GALNTL6: variants seen among roughly 807,000 people sequenced by gnomAD.
GALNTL6 encodes the protein polypeptide N-acetylgalactosaminyltransferase like 6, also known as polypeptide N-acetylgalactosaminyltransferase-like 6.
GALNTL6 carries 46 observed loss-of-function variants against 73.7 expected under a neutral mutation model. The ratio of observed to expected loss-of-function variants is 0.62; its 90% confidence interval spans 0.49 to 0.80. The LOEUF is 0.80. Among genes scored for constraint, GALNTL6 ranks in the 30% least tolerant of loss-of-function variants. GALNTL6 has a pLI of 0.00. For missense variants in GALNTL6, 604 were observed against 755.0 expected, an observed-to-expected ratio of 0.80 and a Z score of 2.34; for synonymous variants, 259 against 263.7, an observed-to-expected ratio of 0.98 and a Z score of 0.17.
intron 2 of GALNTL6, among the ~76,000 whole-genome samples, chr4:172,202,756 A>T (rs1332803799): frequency 6.6e-6 from 1 of 152,230 alleles, no homozygotes; most frequent in African/African-American, 2.4e-5. Flanking sequence ...GATGTAATGA[A>T]TTATTATGAA....
intron 2 of GALNTL6, among the ~76,000 whole-genome samples, chr4:172,175,346 G>T (rs138382098): frequency 1.3e-5 from 2 of 152,192 alleles, no homozygotes; most frequent in East Asian, 3.9e-4. Flanking sequence ...GATTATAGGC[G>T]TGAGTCTCCC....
At chr4:172,530,471 A>C (rs1214067162) in intron 5 of GALNTL6, among the ~76,000 whole-genome samples, 2 of 152,206 alleles carry the variant, frequency 1.3e-5, no homozygotes, top group Non-Finnish European at 2.9e-5. Context: ...CTTTTGAATA[A>C]GACAAACTAA....
chr4:172,421,020 G>GGA (rs1386142282), intron 5 of GALNTL6, among the ~76,000 whole-genome samples: 2 of 151,980 alleles, frequency 1.3e-5, no homozygotes, highest in African/African-American at 4.8e-5. Context: ...GGGGGCAAGG[G>GGA]GAGAGAGAGC....
chr4:171,903,296 C>T lies in GALNTL6; in HGVS notation c.138+88578C>T, dbSNP rs548879606. 3.7e-4 allele frequency among the ~76,000 whole-genome samples: 56 copies of T among 151,944 alleles called. No individual in the cohort carries two copies. In the South Asian group the frequency reaches 4.1e-3, roughly 11 times the overall value. On this transcript the variant is annotated intron_variant, in intron 2 of 12. Coordinates refer to ENST00000506823, the MANE Select transcript of GALNTL6 (RefSeq NM_001034845.3). Reference sequence around the variant, plus strand: ...GGTCAGTGGGTGCGCGCACCGTGCGCGAGCTGAAGCAGGGCGAGGCATTGC... The same window carrying T: ...GGTCAGTGGGTGCGCGCACCGTGCGTGAGCTGAAGCAGGGCGAGGCATTGC...
intron 5 of GALNTL6, among the ~76,000 whole-genome samples, chr4:172,559,966 A>T (rs1001505931): frequency 3.3e-5 from 5 of 152,242 alleles, no homozygotes; most frequent in Non-Finnish European, 5.9e-5. Flanking sequence ...ATAAAATATA[A>T]GACAATTAAT....
intron 7 of GALNTL6, among the ~76,000 whole-genome samples, chr4:172,869,259 A>T (rs1425273713): frequency 1.3e-5 from 2 of 152,228 alleles, no homozygotes; most frequent in African/African-American, 4.8e-5. Flanking sequence ...TAAAATGATG[A>T]ATATAAATCA....
intron 5 of GALNTL6, among the ~76,000 whole-genome samples, chr4:172,405,439 ATATATTTTTTTTT>A (rs1744199985): frequency 4.7e-4 from 1 of 2,136 alleles, no homozygotes; most frequent in Non-Finnish European, 9.4e-4. Flanking sequence ...ATATATATAT[ATATATTTTTTTTT>A]TTTTTTTTTT....
intron 5 of GALNTL6, among the ~76,000 whole-genome samples, chr4:172,559,631 A>C (rs1035752289): frequency 6.6e-6 from 1 of 152,170 alleles, no homozygotes; most frequent in Non-Finnish European, 1.5e-5. Flanking sequence ...TTCACTTTGC[A>C]GTGTAGTATT....
Position 172,229,765 on chromosome 4 carries a change from G to T in GALNTL6, c.247+1G>T, listed in dbSNP as rs769919518. ...ATTCAGAAAGAGGCTATGCGCTCAGGTATGAAGCTCAGTGTACGCCAAAGT... is the reference window on the plus strand; with the variant it reads ...ATTCAGAAAGAGGCTATGCGCTCAGTTATGAAGCTCAGTGTACGCCAAAGT... On this transcript the variant is annotated splice_donor_variant, in intron 3 of 12. Transcript: ENST00000506823. LOFTEE classifies it high-confidence loss of function. 2 of 1,591,312 alleles carry T rather than the reference G, an allele frequency of 1.3e-6. No homozygotes were observed. The highest frequency in any genetic ancestry group is 1.7e-6 in the Non-Finnish European group (2 of 1,159,924).
intron 5 of GALNTL6, among the ~76,000 whole-genome samples, chr4:172,585,941 A>G (rs904657336): frequency 2.6e-5 from 4 of 152,232 alleles, no homozygotes; most frequent in African/African-American, 9.6e-5. Context: ...AGAGAAATCC[A>G]AATCAAAACG....
At chr4:172,218,651 T>A (rs756631487) in intron 2 of GALNTL6, among the ~76,000 whole-genome samples, 51 of 152,106 alleles carry the variant, frequency 3.4e-4, no homozygotes, top group Non-Finnish European at 6.9e-4. Flanking sequence ...ACTTGCAGAT[T>A]TTCAGTTTGT....
chr4:172,571,840 G>GC (rs963526363), intron 5 of GALNTL6, among the ~76,000 whole-genome samples: 10 of 152,126 alleles, frequency 6.6e-5, no homozygotes. Flanking sequence ...CATGCCCCAG[G>GC]CATTGTAGTT....
At chr4:172,339,036 G>A (rs960453579) in intron 4 of GALNTL6, among the ~76,000 whole-genome samples, 12 of 152,152 alleles carry the variant, frequency 7.9e-5, no homozygotes, top group African/African-American at 2.2e-4. Flanking sequence ...ATGGGTGAGT[G>A]AGTGCTCTGA....
intron 2 of GALNTL6, chr4:171,815,524 T>C (rs1049430768): frequency 1.3e-5 from 2 of 152,252 alleles, no homozygotes; most frequent in Non-Finnish European, 2.9e-5. Context: ...TGAAAATCAA[T>C]GTTGTCGAAT....
At chr4:172,682,627 G>T (rs532731484) in intron 5 of GALNTL6, among the ~76,000 whole-genome samples, 1 of 151,994 alleles carries the variant, frequency 6.6e-6, no homozygotes, top group Non-Finnish European at 1.5e-5. Context: ...TGCTAAATTT[G>T]GCCATCCTAA....
At chr4:171,987,084 G>A (rs1334378204) in intron 2 of GALNTL6, among the ~76,000 whole-genome samples, 1 of 152,158 alleles carries the variant, frequency 6.6e-6, no homozygotes, top group African/African-American at 2.4e-5. Context: ...AATGAGACTG[G>A]GGCCTAATAA....
intron 5 of GALNTL6, among the ~76,000 whole-genome samples, chr4:172,627,817 A>C (rs1258504217): frequency 6.6e-6 from 1 of 151,678 alleles, no homozygotes; most frequent in Admixed American, 6.6e-5. Flanking sequence ...GTCTCTGAGA[A>C]TTTTTTGTAT....
intron 2 of GALNTL6, among the ~76,000 whole-genome samples, chr4:171,916,701 T>C (rs1375214199): frequency 6.6e-6 from 1 of 152,112 alleles, no homozygotes; most frequent in East Asian, 1.9e-4. Context: ...CCAGACTTCT[T>C]ACTTGAACAT....
At position 173,021,470 on chromosome 4, in the gene GALNTL6, T is replaced by C; in HGVS notation, c.1489-6T>C. 3 of 1,614,032 alleles carry C rather than the reference T, an allele frequency of 1.9e-6. No homozygotes were observed. Among genetic ancestry groups the C allele is most frequent in the Non-Finnish European group, 2.5e-6 (3 of 1,179,932 alleles). On this transcript the variant is annotated splice_polypyrimidine_tract_variant and splice_region_variant and intron_variant, in intron 11 of 12. Transcript: ENST00000506823. ...TGCAGCTTTTCTGCTACTGTTGCTT[T>C]GCTAGCTTTTTACCTTTGGATGGAG...
Sources: gnomAD v4.1 joint callset for allele counts (sites outside exome capture counted in the v4.1 genomes callset) on GRCh38, gnomAD v4.1.1 for gene constraint, MANE v1.5 for transcripts, NCBI Gene and HGNC (gene_info 2026-07-23, HGNC 2026-07-21) for gene names.